FYB1: variants seen among roughly 807,000 people sequenced by gnomAD.
The protein encoded by FYB1 is FYN-binding protein 1.
FYB1 carries 41 observed loss-of-function variants against 94.1 expected under a neutral mutation model. The ratio of observed to expected loss-of-function variants is 0.44; its 90% CI spans 0.34 to 0.57. FYB1 has a LOEUF of 0.57. FYB1 is among the 20% of genes least tolerant of loss of function. The pLI, the probability that FYB1 is intolerant of heterozygous loss-of-function variation, is 0.02. For synonymous variants in FYB1, 367 were observed against 353.2 expected, an observed-to-expected ratio of 1.04 and a Z score of -0.44; for missense variants, 1,050 against 976.8, an observed-to-expected ratio of 1.07 and a Z score of -1.00.
intron 2 of FYB1, among the ~76,000 whole-genome samples, chr5:39,158,120 A>G (rs1327476796): frequency 6.6e-6 from 1 of 152,270 alleles, no homozygotes; most frequent in Admixed American, 6.5e-5. Context: ...ATTGCGAATA[A>G]CAGGGAGTGA....
chr5:39,206,121 T>C (rs1748836384), intron 1 of FYB1, among the ~76,000 whole-genome samples: 1 of 152,214 alleles, frequency 6.6e-6, no homozygotes, highest in Admixed American at 6.5e-5. Context: ...AGAGTTATGA[T>C]ATTTAAGTTT....
chr5:39,184,084 G>T lies in FYB1; in HGVS notation c.1135+17742C>A, dbSNP rs181003982. Among the ~76,000 whole-genome samples the T allele has an allele frequency of 1.2e-3, 179 of 152,108 alleles. 2 individuals are homozygous for T. Among genetic ancestry groups the T allele is most frequent in the African/African-American group, 4.1e-3 (172 of 41,496 alleles). On this transcript the variant is annotated intron_variant, in intron 2 of 18. Transcript: ENST00000512982. Reference sequence around the variant, plus strand: ...ACTATTTAGTAATTTAGAAGAAAAGGCAATTTTTGGTTTTCAGAAAGAAAG... The same window carrying T: ...ACTATTTAGTAATTTAGAAGAAAAGTCAATTTTTGGTTTTCAGAAAGAAAG...
At chr5:39,236,989 A>C (rs1474174716) in intron 1 of FYB1, among the ~76,000 whole-genome samples, 1 of 152,178 alleles carries the variant, frequency 6.6e-6, no homozygotes, top group Non-Finnish European at 1.5e-5. Context: ...AAGTTGCACA[A>C]ATATAAGAAA....
At chr5:39,211,033 A>T (rs374322262) in intron 1 of FYB1, 1 of 152,178 alleles carries the variant, frequency 6.6e-6, no homozygotes, top group African/African-American at 2.4e-5. Flanking sequence ...CTATTTTACA[A>T]TTTTTTATAG....
chr5:39,194,004 A>G (rs1233529526), intron 2 of FYB1, among the ~76,000 whole-genome samples: 2 of 152,198 alleles, frequency 1.3e-5, no homozygotes, highest in Non-Finnish European at 2.9e-5. Flanking sequence ...CCCTATTCAT[A>G]TAGCACAGTA....
intron 2 of FYB1, chr5:39,170,336 TG>T (rs1213130910): frequency 2.5e-5 from 32 of 1,288,496 alleles, no homozygotes; most frequent in Non-Finnish European, 7.4e-6. Context: ...CAAGACATGA[TG>T]GCAGCAGAAT....
chr5:39,194,003 T>A (rs1318498435), intron 2 of FYB1, among the ~76,000 whole-genome samples: 3 of 152,172 alleles, frequency 2.0e-5, no homozygotes, highest in Admixed American at 6.5e-5. Context: ...CCCCTATTCA[T>A]ATAGCACAGT....
In FYB1 at chr5:39,114,523, G is replaced by A. The variant is rs1469515227; in HGVS notation, c.2402-4134C>T. On this transcript the variant is annotated intron_variant, in intron 16 of 18. Transcript: ENST00000512982. Reference sequence around the variant, plus strand: ...TTTCTTTCTTTGATGGATTAAAGAAGAATGGAGGGTAAGGATAACATTAGT... The same window carrying A: ...TTTCTTTCTTTGATGGATTAAAGAAAAATGGAGGGTAAGGATAACATTAGT... Among the ~76,000 whole-genome samples, 3 of 152,174 alleles carry A rather than the reference G, an allele frequency of 2.0e-5. No individual in the cohort carries two copies. The East Asian group carries it at 5.8e-4, about 29-fold the overall frequency.
intron 1 of FYB1, among the ~76,000 whole-genome samples, chr5:39,263,983 A>G (rs996986412): frequency 6.6e-6 from 1 of 152,174 alleles, no homozygotes; most frequent in Non-Finnish European, 1.5e-5. Context: ...TCCAAAATTC[A>G]TGTGTCAAAA....
intron 1 of FYB1, among the ~76,000 whole-genome samples, chr5:39,253,658 T>C (rs753409186): frequency 1.3e-5 from 2 of 151,458 alleles, no homozygotes; most frequent in Non-Finnish European, 2.9e-5. Flanking sequence ...AGGTATAGGA[T>C]TGTTACATAG....
intron 2 of FYB1, among the ~76,000 whole-genome samples, chr5:39,161,502 A>G (rs1021300280): frequency 6.6e-6 from 1 of 152,064 alleles, no homozygotes; most frequent in African/African-American, 2.4e-5. Flanking sequence ...CAGAAATGGA[A>G]CCATGGTATA....
At position 39,126,046 on chromosome 5, in the gene FYB1, A is replaced by C; in HGVS notation, c.1997T>G (p.Ile666Arg). ...GTCAGAGACTTTAGGTTTCTCTCGT[A>C]TACTTTTCTTTCTGTCATCTTTTCC... ...LKGKDDRKKS[I>R]REKPKVSDSD... Residue 666 changes from isoleucine (I) to arginine (R), a missense_variant, in exon 12 of 19, where the codon ATA becomes AGA. Ile to Arg is a moderately conservative substitution (Grantham distance 97). Coordinates refer to ENST00000512982, the MANE Select transcript of FYB1 (RefSeq NM_001465.6). 6.2e-7 allele frequency: 1 copy of C among 1,613,484 alleles called. No homozygotes were observed. Among genetic ancestry groups the C allele is most frequent in the Non-Finnish European group, 8.5e-7 (1 of 1,179,624 alleles).
At chr5:39,176,437 A>G (rs908735582) in intron 2 of FYB1, among the ~76,000 whole-genome samples, 2 of 152,050 alleles carry the variant, frequency 1.3e-5, no homozygotes, top group Non-Finnish European at 2.9e-5. Flanking sequence ...GGCATGAGCC[A>G]CCATGCCAGG....
intron 1 of FYB1, among the ~76,000 whole-genome samples, chr5:39,231,440 T>A (rs1049367547): frequency 2.0e-5 from 3 of 152,040 alleles, no homozygotes; most frequent in African/African-American, 7.2e-5. Flanking sequence ...AAGAAAAAAA[T>A]CTCTTCTCTC....
intron 1 of FYB1, among the ~76,000 whole-genome samples, chr5:39,204,535 C>T (rs948573589): frequency 2.6e-5 from 4 of 152,130 alleles, no homozygotes; most frequent in Non-Finnish European, 5.9e-5. Context: ...GAACATGCTA[C>T]CTAACAGTTG....
chr5:39,205,298 T>C (rs1354215377), intron 1 of FYB1, among the ~76,000 whole-genome samples: 1 of 152,212 alleles, frequency 6.6e-6, no homozygotes, highest in Non-Finnish European at 1.5e-5. Flanking sequence ...TTACTCGCTA[T>C]GTAACCTTGG....
At chr5:39,220,241 T>C (rs1263154027), upstream of FYB1, among the ~76,000 whole-genome samples, 1 of 151,454 alleles carries the variant, frequency 6.6e-6, no homozygotes, top group Non-Finnish European at 1.5e-5. Flanking sequence ...AGACCCTGTC[T>C]CTACAAAAAT....
chr5:39,130,081 A>G (rs1034321325), intron 10 of FYB1, among the ~76,000 whole-genome samples: 7 of 152,118 alleles, frequency 4.6e-5, no homozygotes, highest in African/African-American at 1.7e-4. Flanking sequence ...ATAAAAAAAA[A>G]AGAATGAAAT....
At chr5:39,163,956 C>A (rs992774950) in intron 2 of FYB1, among the ~76,000 whole-genome samples, 7 of 152,170 alleles carry the variant, frequency 4.6e-5, no homozygotes, top group African/African-American at 1.7e-4. Context: ...CAGATGAACA[C>A]TTTCAATTTT....
Sources: allele counts gnomAD v4.1 joint callset (sites outside exome capture counted in the v4.1 genomes callset), GRCh38; gene constraint gnomAD v4.1.1; transcripts MANE v1.5; gene names NCBI Gene and HGNC (gene_info 2026-07-23, HGNC 2026-07-21).